The following TAFA5 variants were observed in gnomAD, a reference collection of about 807,000 sequenced individuals.
TAFA5 encodes the protein TAFA chemokine like family member 5.
A neutral mutation model predicts 15.3 loss-of-function variants in TAFA5; 6 were observed. The observed-to-expected ratio is 0.39, with a 90% CI of 0.21 to 0.77. The LOEUF (loss-of-function observed/expected upper bound fraction) is 0.77, where lower values mean the gene tolerates loss of function less well. TAFA5 is among the 30% of genes least tolerant of loss of function. The probability of loss-of-function intolerance (pLI) is 0.41; values close to 1 mark genes in which losing one functional copy is unlikely to be tolerated. For synonymous variants in TAFA5, 103 were observed against 80.7 expected, an observed-to-expected ratio of 1.28 and a Z score of -1.48; for missense variants, 161 against 193.1, an observed-to-expected ratio of 0.83 and a Z score of 0.98.
chr22:48,703,641 C>T (rs1310377139), intron 2 of TAFA5, among the ~76,000 whole-genome samples: 1 of 152,252 alleles, frequency 6.6e-6, no homozygotes, highest in East Asian at 1.9e-4. Context: ...GCCGTATCCA[C>T]CCTCAGCGTC....
intron 3 of TAFA5, among the ~76,000 whole-genome samples, chr22:48,746,442 T>C (rs1463895590): frequency 6.6e-6 from 1 of 152,018 alleles, no homozygotes; most frequent in Non-Finnish European, 1.5e-5. Flanking sequence ...TGCAGTGAGC[T>C]GCAATCGCAC....
At chr22:48,621,798 G>A (rs1212243233) in intron 1 of TAFA5, among the ~76,000 whole-genome samples, 1 of 152,136 alleles carries the variant, frequency 6.6e-6, no homozygotes, top group Non-Finnish European at 1.5e-5. Flanking sequence ...GGTGGCCGAG[G>A]CCCTGTGATG....
At chr22:48,580,757 C>T (rs1421994927) in intron 1 of TAFA5, among the ~76,000 whole-genome samples, 42 of 152,222 alleles carry the variant, frequency 2.8e-4, no homozygotes, top group Non-Finnish European at 4.4e-5. Flanking sequence ...CATGGGGCTG[C>T]CCCGGCCGCC....
intron 2 of TAFA5, among the ~76,000 whole-genome samples, chr22:48,664,261 G>A (rs544362748): frequency 7.9e-5 from 12 of 152,246 alleles, no homozygotes; most frequent in African/African-American, 2.4e-4. Context: ...ATAATGGGGG[G>A]CTGCTGCATC....
intron 3 of TAFA5, among the ~76,000 whole-genome samples, chr22:48,715,529 C>G (rs1250234941): frequency 1.3e-5 from 2 of 152,220 alleles, no homozygotes; most frequent in Non-Finnish European, 2.9e-5. Context: ...CTTGGGTGCT[C>G]TGCTTCCTCT....
intron 1 of TAFA5, among the ~76,000 whole-genome samples, chr22:48,519,021 C>T (rs917220276): frequency 3.9e-5 from 6 of 152,112 alleles, no homozygotes; most frequent in South Asian, 2.1e-4. Flanking sequence ...GCAGGGAGGA[C>T]GCCTGGGGTC....
At chr22:48,517,407 C>T (rs942539388) in intron 1 of TAFA5, among the ~76,000 whole-genome samples, 3 of 152,190 alleles carry the variant, frequency 2.0e-5, no homozygotes, top group Non-Finnish European at 4.4e-5. Context: ...GGAAGCAGCC[C>T]TGACCCCCAC....
chr22:48,558,657 G>T (rs534170714), intron 1 of TAFA5, among the ~76,000 whole-genome samples: 2 of 152,186 alleles, frequency 1.3e-5, no homozygotes, highest in African/African-American at 2.4e-5. Flanking sequence ...AGTATCTTCC[G>T]GGCGTGGCCA....
At chr22:48,628,084 G>A (rs780439621) in intron 1 of TAFA5, among the ~76,000 whole-genome samples, 32 of 152,216 alleles carry the variant, frequency 2.1e-4, no homozygotes, top group Admixed American at 1.0e-3. Flanking sequence ...GGCACAGGAC[G>A]TGACTCTGCC....
At chr22:48,567,702 C>T (rs1160310145) in intron 1 of TAFA5, among the ~76,000 whole-genome samples, 3 of 152,146 alleles carry the variant, frequency 2.0e-5, no homozygotes, top group Non-Finnish European at 4.4e-5. Context: ...CAAGCTCCTC[C>T]GGGTGAGCTC....
At chr22:48,505,644 T>C (rs1191414633) in intron 1 of TAFA5, among the ~76,000 whole-genome samples, 2 of 152,142 alleles carry the variant, frequency 1.3e-5, no homozygotes, top group African/African-American at 4.8e-5. Flanking sequence ...CAAGAAGGCA[T>C]CCCAGGCCAC....
chr22:48,570,612 GTCACTTTCCATTTT>G, intron 1 of TAFA5, among the ~76,000 whole-genome samples: 1 of 152,286 alleles, frequency 6.6e-6, no homozygotes, highest in Middle Eastern at 3.4e-3. Flanking sequence ...TCAGGACCTC[GTCACTTTCCATTTT>G]GAACAGTGAA....
intron 1 of TAFA5, among the ~76,000 whole-genome samples, chr22:48,533,523 A>G (rs1192726800): frequency 6.6e-6 from 1 of 152,128 alleles, no homozygotes; most frequent in African/African-American, 2.4e-5. Flanking sequence ...TGTCAGCAGG[A>G]TGTATTTTGG....
At chr22:48,722,332 T>C (rs1569094251) in intron 3 of TAFA5, among the ~76,000 whole-genome samples, 1 of 152,144 alleles carries the variant, frequency 6.6e-6, no homozygotes, top group Non-Finnish European at 1.5e-5. Flanking sequence ...ATAGACTGGA[T>C]AAAGCAAATG....
intron 3 of TAFA5, among the ~76,000 whole-genome samples, chr22:48,741,821 C>T (rs1174789468): frequency 6.6e-6 from 1 of 152,186 alleles, no homozygotes; most frequent in Admixed American, 6.5e-5. Context: ...GTCTGGGGTA[C>T]CTGGTTACAG....
intron 2 of TAFA5, among the ~76,000 whole-genome samples, chr22:48,662,125 C>T (rs893637709): frequency 1.3e-5 from 2 of 152,194 alleles, no homozygotes; most frequent in Non-Finnish European, 1.5e-5. Flanking sequence ...TGGAAGCCAG[C>T]TCCAGGTGGA....
intron 2 of TAFA5, among the ~76,000 whole-genome samples, chr22:48,660,214 T>C (rs1213507299): frequency 6.6e-6 from 1 of 152,188 alleles, no homozygotes; most frequent in African/African-American, 2.4e-5. Context: ...CACTGTCCCA[T>C]CTCCCAGTGC....
At chr22:48,749,743 C>A in intron 3 of TAFA5, 96 bp from the exon 4 acceptor site, 1 of 1,429,332 alleles carries the variant, frequency 7.0e-7, no homozygotes, top group South Asian at 1.2e-5. Flanking sequence ...AGGAGGCCGG[C>A]TGGCAGGAGC....
chr22:48,513,037 G>T (rs1045324307), intron 1 of TAFA5, among the ~76,000 whole-genome samples: 1 of 152,184 alleles, frequency 6.6e-6, no homozygotes, highest in South Asian at 2.1e-4. Context: ...GTGGTGGGGG[G>T]AGTGTGCTGT....
Sources: allele counts gnomAD v4.1 joint callset (sites outside exome capture counted in the v4.1 genomes callset), GRCh38; gene constraint gnomAD v4.1.1; transcripts MANE v1.5; gene names NCBI Gene and HGNC (gene_info 2026-07-23, HGNC 2026-07-21).